The following CSMD2 variants were observed in gnomAD, a reference collection of about 807,000 sequenced individuals.
The protein encoded by CSMD2 is CUB and Sushi multiple domains 2, also known as CUB and sushi domain-containing protein 2.
CSMD2 carries 130 observed loss-of-function variants against 398.5 expected under a neutral mutation model. The ratio of observed to expected loss-of-function variants is 0.33; its 90% CI spans 0.28 to 0.38. The LOEUF (loss-of-function observed/expected upper bound fraction) is 0.38. Ranked by LOEUF, CSMD2 falls within the 10% of genes least tolerant of loss-of-function variation. The probability of loss-of-function intolerance (pLI) is 1.00; values close to 1 mark genes in which losing one functional copy is unlikely to be tolerated. For missense variants in CSMD2, 3,829 were observed against 4,764.9 expected, an observed-to-expected ratio of 0.80 and a Z score of 5.78; for synonymous variants, 1,828 against 1,908.5, an observed-to-expected ratio of 0.96 and a Z score of 1.10.
intron 1 of CSMD2, among the ~76,000 whole-genome samples, chr1:34,143,993 C>T (rs1416767166): frequency 6.6e-6 from 1 of 152,118 alleles, no homozygotes; most frequent in Non-Finnish European, 1.5e-5. Context: ...TTCCAGGGGA[C>T]AATGAAGGGT....
chr1:33,935,280 T>C (rs749927921), intron 4 of CSMD2, among the ~76,000 whole-genome samples: 15 of 150,382 alleles, frequency 1.0e-4, no homozygotes, highest in Non-Finnish European at 2.1e-4. Context: ...GGGGAGGGGG[T>C]TGTTGGAGTA....
intron 27 of CSMD2, 63 bp from the exon 28 acceptor site, chr1:33,652,524 T>C: frequency 6.3e-7 from 1 of 1,585,196 alleles, no homozygotes; most frequent in Non-Finnish European, 8.6e-7. Context: ...TTCATGGGTG[T>C]TGCTAATGCA....
chr1:33,849,918 C>T (rs1234698124), intron 5 of CSMD2, among the ~76,000 whole-genome samples: 6 of 152,138 alleles, frequency 3.9e-5, no homozygotes, highest in Non-Finnish European at 7.4e-5. Context: ...ATCCAATCCT[C>T]AGGGTAAAAG....
At chr1:34,154,653 A>G (rs1276945081) in intron 1 of CSMD2, among the ~76,000 whole-genome samples, 1 of 152,112 alleles carries the variant, frequency 6.6e-6, no homozygotes, top group African/African-American at 2.4e-5. Flanking sequence ...TGAAATTTAG[A>G]CTTCAATATC....
At chr1:33,589,353 T>C (rs1418046885) in intron 44 of CSMD2, among the ~76,000 whole-genome samples, 1 of 152,208 alleles carries the variant, frequency 6.6e-6, no homozygotes, top group Non-Finnish European at 1.5e-5. Context: ...GGTCAGGCAC[T>C]GTGTCAGGTG....
chr1:33,646,956 C>G, intron 28 of CSMD2, 121 bp from the exon 29 acceptor site: 1 of 928,930 alleles, frequency 1.1e-6, no homozygotes, highest in Non-Finnish European at 1.6e-6. Context: ...CCCACTGGTA[C>G]CCAACCCCTG....
intron 12 of CSMD2, among the ~76,000 whole-genome samples, chr1:33,782,117 G>A (rs1652850679): frequency 6.6e-6 from 1 of 152,110 alleles, no homozygotes; most frequent in African/African-American, 2.4e-5. Context: ...TGGAAATGAT[G>A]GATATGGGAG....
At chr1:33,704,577 T>C (rs1157612717) in intron 22 of CSMD2, among the ~76,000 whole-genome samples, 3 of 152,212 alleles carry the variant, frequency 2.0e-5, no homozygotes, top group South Asian at 2.1e-4. Context: ...AGCAGGATAA[T>C]GTCTTTTTCT....
At chr1:33,818,669 C>T (rs897874450) in intron 9 of CSMD2, among the ~76,000 whole-genome samples, 1 of 152,102 alleles carries the variant, frequency 6.6e-6, no homozygotes, top group Non-Finnish European at 1.5e-5. Context: ...ATGCAAAGAA[C>T]ATTATAAACT....
chr1:34,160,004 G>A (rs912029475), intron 1 of CSMD2, among the ~76,000 whole-genome samples: 5 of 152,216 alleles, frequency 3.3e-5, no homozygotes, highest in African/African-American at 4.8e-5. Flanking sequence ...AAGATCAGCT[G>A]GGTCTCCAGC....
In CSMD2 at chr1:33,819,786, C is replaced by T. The variant is rs759584948; in HGVS notation, c.1251G>A (p.Gly417=). The T allele has an allele frequency of 1.2e-6, 2 of 1,614,088 alleles. No individual in the cohort carries two copies. The highest frequency in any genetic ancestry group is 2.2e-5 in the South Asian group (2 of 91,080). The change falls in exon 9 of 71, where the codon GGG becomes GGA. Residue 417 remains glycine, a synonymous_variant. Coordinates refer to ENST00000373381, the MANE Select transcript of CSMD2 (RefSeq NM_001281956.2). ...FTCNEGYDLQ[G]SKRITCMKVS... The stretch of plus-strand genomic sequence containing the variant: ...CTTTCATACAGGTGATCCGCTTGGA[C>T]CCTTGCAGGTCATAGCCCTCGTTGC...
intron 3 of CSMD2, among the ~76,000 whole-genome samples, chr1:34,007,264 G>C (rs1647089381): frequency 6.6e-6 from 1 of 152,126 alleles, no homozygotes. Context: ...TCTGGGGAAA[G>C]CATACAAGGA....
intron 5 of CSMD2, among the ~76,000 whole-genome samples, chr1:33,909,048 G>C (rs1459119881): frequency 6.6e-6 from 1 of 152,206 alleles, no homozygotes; most frequent in African/African-American, 2.4e-5. Flanking sequence ...GGCTCGGTTA[G>C]AATGGGCCTT....
chr1:34,001,486 G>C (rs1014283587), intron 3 of CSMD2, among the ~76,000 whole-genome samples: 1 of 152,142 alleles, frequency 6.6e-6, no homozygotes, highest in Admixed American at 6.5e-5. Context: ...CAAGCCATTC[G>C]AGCTCCGAGG....
chr1:33,833,752 C>T (rs1659896545), intron 6 of CSMD2, among the ~76,000 whole-genome samples: 1 of 151,866 alleles, frequency 6.6e-6, no homozygotes, highest in African/African-American at 2.4e-5. Context: ...TCTAGAAAAC[C>T]CCATTGTCTC....
chr1:33,664,757 T>G (rs1644253541), intron 25 of CSMD2, among the ~76,000 whole-genome samples: 1 of 151,874 alleles, frequency 6.6e-6, no homozygotes, highest in African/African-American at 2.4e-5. Context: ...GAGCCAAGAT[T>G]GCACCACTGC....
intron 62 of CSMD2, among the ~76,000 whole-genome samples, chr1:33,535,829 C>T (rs1349467829): frequency 6.6e-6 from 1 of 152,226 alleles, no homozygotes; most frequent in Non-Finnish European, 1.5e-5. Context: ...CTGCACAGGG[C>T]TAGCCCTTCT....
At chr1:33,829,048 A>T (rs571392137) in intron 6 of CSMD2, among the ~76,000 whole-genome samples, 2 of 152,372 alleles carry the variant, frequency 1.3e-5, no homozygotes, top group East Asian at 3.9e-4. Flanking sequence ...GAGAGGTTAT[A>T]TCACCAGTGT....
At chr1:33,720,288 T>C (rs984198176) in intron 19 of CSMD2, among the ~76,000 whole-genome samples, 10 of 152,232 alleles carry the variant, frequency 6.6e-5, no homozygotes, top group African/African-American at 2.4e-4. Flanking sequence ...GCTCCTAGTC[T>C]GTCAGGGAGA....
Sources: gnomAD v4.1 joint callset for allele counts (sites outside exome capture counted in the v4.1 genomes callset) on GRCh38, gnomAD v4.1.1 for gene constraint, MANE v1.5 for transcripts, NCBI Gene and HGNC (gene_info 2026-07-23, HGNC 2026-07-21) for gene names.